Variants in HSF1 observed in about 807,000 individuals in gnomAD.
HSF1 encodes heat shock transcription factor 1.
In HSF1, 32 loss-of-function variants were observed where a neutral mutation model predicts 51.7. That is an observed-to-expected ratio of 0.62 (90% CI 0.47 to 0.83). HSF1 has a LOEUF of 0.83. Ranked by LOEUF, HSF1 falls within the 40% of genes least tolerant of loss-of-function variation. The pLI is 0.00. For missense variants in HSF1, 727 were observed against 717.0 expected, an observed-to-expected ratio of 1.01 and a Z score of -0.16; for synonymous variants, 396 against 309.7, an observed-to-expected ratio of 1.28 and a Z score of -2.92.
chr8:144,296,133 A>C (rs574246240), intron 1 of HSF1, among the ~76,000 whole-genome samples: 2 of 152,132 alleles, frequency 1.3e-5, no homozygotes, highest in African/African-American at 4.8e-5. Context: ...TGGGTGGACA[A>C]TTGGGAGCAG....
rs1249886698 is a variant in HSF1 at position 144,311,839 on chromosome 8, G to A, written c.860+3G>A. On this transcript the variant is annotated splice_donor_region_variant and intron_variant, in intron 8 of 12. Coordinates refer to ENST00000528838, the MANE Select transcript of HSF1 (RefSeq NM_005526.4). The stretch of plus-strand genomic sequence containing the variant: ...CCCGGCGGGAGCATAGACGAGAGGT[G>A]GGGGCCGCATCACCCCAGCCATCCT... 2.5e-6 allele frequency: 4 copies of A among 1,600,644 alleles called. No homozygotes were observed. Among genetic ancestry groups the A allele is most frequent in the African/African-American group, 1.3e-5 (1 of 74,710 alleles).
intron 9 of HSF1, chr8:144,312,605 G>T: frequency 6.5e-7 from 1 of 1,531,480 alleles, no homozygotes; most frequent in Non-Finnish European, 8.7e-7. Context: ...TGCAATGGGG[G>T]CTCTTGTTTT....
chr8:144,309,629 G>GC, intron 3 of HSF1, 38 bp downstream of exon 3: 1 of 1,609,612 alleles, frequency 6.2e-7, no homozygotes, highest in Non-Finnish European at 8.5e-7. Flanking sequence ...GGTCTCACCT[G>GC]CCACAGCTCT....
intron 1 of HSF1, among the ~76,000 whole-genome samples, chr8:144,304,374 A>G (rs1230266347): frequency 4.6e-5 from 7 of 152,240 alleles, no homozygotes; most frequent in Non-Finnish European, 7.3e-5. Context: ...AAGTACTTCC[A>G]TGAAGTTCCT....
At chr8:144,303,844 C>T (rs1816048571) in intron 1 of HSF1, among the ~76,000 whole-genome samples, 1 of 152,108 alleles carries the variant, frequency 6.6e-6, no homozygotes, top group Non-Finnish European at 1.5e-5. Flanking sequence ...CACCACTGCA[C>T]TCCAGCCTGG....
intron 1 of HSF1, among the ~76,000 whole-genome samples, chr8:144,302,258 C>T (rs1330961340): frequency 2.6e-5 from 4 of 151,840 alleles, no homozygotes; most frequent in Admixed American, 2.6e-4. Flanking sequence ...CCTGTAATCC[C>T]AGCACTTTGG....
chr8:144,311,572 G>T lies in HSF1; in HGVS notation c.694G>T (p.Glu232Ter). The T allele has an allele frequency of 6.2e-7, 1 of 1,613,674 alleles. No individual in the cohort carries two copies. Among genetic ancestry groups the T allele is most frequent in the Non-Finnish European group, 8.5e-7 (1 of 1,179,970 alleles). The change falls in exon 7 of 13, where the codon GAG becomes TAG. Residue 232 changes from glutamate to a stop codon, truncating the protein, a stop_gained. Transcript: ENST00000528838. LOFTEE classifies it high-confidence loss of function. Reference protein sequence around the residue: ...MPKYSRQFSLEHVHGSGPYSA... With the variant: ...MPKYSRQFSL Reference sequence around the variant, plus strand: ...CAAGTATAGCCGGCAGTTCTCCCTGGAGCACGTCCACGGCTCGGGCCCCTA... The same window carrying T: ...CAAGTATAGCCGGCAGTTCTCCCTGTAGCACGTCCACGGCTCGGGCCCCTA...
chr8:144,294,603 A>G (rs1056342228), intron 1 of HSF1, among the ~76,000 whole-genome samples: 18 of 152,376 alleles, frequency 1.2e-4, no homozygotes, highest in African/African-American at 3.8e-4. Context: ...CTGGCCAGGA[A>G]TGGGACCAGG....
At chr8:144,312,776 C>A in intron 9 of HSF1, 1 of 1,407,400 alleles carries the variant, frequency 7.1e-7, no homozygotes, top group Non-Finnish European at 9.7e-7. Flanking sequence ...CCCACACAGC[C>A]GTGGACCAGA....
chr8:144,299,561 C>G (rs1454143573), intron 1 of HSF1, among the ~76,000 whole-genome samples: 2 of 151,996 alleles, frequency 1.3e-5, no homozygotes, highest in African/African-American at 4.8e-5. Context: ...GATTAGCCAA[C>G]AAAGACAGTA....
intron 1 of HSF1, among the ~76,000 whole-genome samples, chr8:144,308,314 C>T (rs1284515865): frequency 6.6e-6 from 1 of 152,238 alleles, no homozygotes; most frequent in Non-Finnish European, 1.5e-5. Context: ...CTCCTGATAG[C>T]TCTGGGCCTG....
chr8:144,310,060 G>T lies in HSF1; in HGVS notation c.488+164G>T, dbSNP rs930078931. On this transcript the variant is annotated intron_variant, in intron 4 of 12. Transcript: ENST00000528838. ...CTCTGCCCCAGCCCCGCCGCCCGTG[G>T]CTGCTGCAACAGCTCTGGGGCCAGC... is the stretch of plus-strand genomic sequence containing the variant. The T allele has an allele frequency of 7.1e-5, 59 of 832,746 alleles. No individual in the cohort carries two copies. The African/African-American group carries it at 9.0e-4, about 13-fold the overall frequency. 51.6% of individuals were successfully genotyped at this position (832,746 alleles called of 1,614,324 possible). A position where few individuals can be genotyped will look rare whatever the true frequency, so the allele number is the denominator to read the frequency against.
chr8:144,309,218 TG>T, intron 2 of HSF1: 1 of 665,670 alleles, frequency 1.5e-6, no homozygotes, highest in Non-Finnish European at 2.5e-6. Flanking sequence ...GGGGTCCCCA[TG>T]GAAGAACCGT....
At chr8:144,311,653 G>A in intron 7 of HSF1, 47 bp from the exon 8 acceptor site, 10 of 1,611,480 alleles carry the variant, frequency 6.2e-6, no homozygotes, top group Non-Finnish European at 8.5e-6. Flanking sequence ...GCAGTGGGGT[G>A]GGTTGCCCCT....
At chr8:144,292,289 G>A (rs1554840522) in intron 1 of HSF1, among the ~76,000 whole-genome samples, 1 of 152,248 alleles carries the variant, frequency 6.6e-6, no homozygotes, top group Non-Finnish European at 1.5e-5. Context: ...CAACTATTAG[G>A]AGAAAGTCAG....
chr8:144,314,084 GCCCCCAACCCCCCACC>G, intron 12 of HSF1, 25 bp from the exon 13 acceptor site: 3 of 1,329,854 alleles, frequency 2.3e-6, no homozygotes, highest in Non-Finnish European at 3.0e-6. Context: ...CCCCACCTCT[GCCCCCAACCCCCCACC>G]GCCTTGACAC....
rs1450495894 is a variant in HSF1 at position 144,303,155 on chromosome 8, G to A, written c.118-5751G>A. Among the ~76,000 whole-genome samples, 6 of 151,966 alleles carry A rather than the reference G, an allele frequency of 3.9e-5. No individual in the cohort carries two copies. The East Asian group carries it at 5.8e-4, about 15-fold the overall frequency. Reference sequence around the variant, plus strand: ...TCCACTGGGGGTCCTTTATGATTTCGTCTCTTCTATCATTTTTTTGGTATA... The same window carrying A: ...TCCACTGGGGGTCCTTTATGATTTCATCTCTTCTATCATTTTTTTGGTATA... On this transcript the variant is annotated intron_variant, in intron 1 of 12. Transcript: ENST00000528838.
chr8:144,314,253 G>T lies in HSF1; in HGVS notation c.1513G>T (p.Gly505Cys). ...GGGCTCCTACTTCTCCGAAGGGGACGGCTTCGCCGAGGACCCCACCATCTC... is the reference window on the plus strand; with the variant it reads ...GGGCTCCTACTTCTCCGAAGGGGACTGCTTCGCCGAGGACCCCACCATCTC... ...GEGSYFSEGD[G>C]FAEDPTISLL... Residue 505 changes from glycine (G) to cysteine (C), a missense_variant, in exon 13 of 13, where the codon GGC becomes TGC. This residue lies in a region of HSF1 where 470 missense variants were observed against 398.8 expected (regional missense o/e 1.18). Coordinates refer to ENST00000528838, the MANE Select transcript of HSF1 (RefSeq NM_005526.4). 1 of 1,550,590 alleles carries T rather than the reference G, an allele frequency of 6.4e-7. No homozygotes were observed. The highest frequency in any genetic ancestry group is 8.7e-7 in the Non-Finnish European group (1 of 1,147,074).
rs782451689 is a variant in HSF1 at position 144,312,096 on chromosome 8, G to A, written c.994G>A (p.Asp332Asn). The change falls in exon 9 of 13, where the codon GAC (aspartate) becomes AAC (asparagine). Residue 332 changes from aspartate to asparagine, a missense_variant. This residue lies in a region of HSF1 where 470 missense variants were observed against 398.8 expected (regional missense o/e 1.18). Transcript: ENST00000528838. ...CCTCTTGTCCCCGACCGCCCTCATT[G>A]ACTCCATCCTGCGGGAGAGTGAACC... The part of the protein sequence containing the change: ...DTLLSPTALI[D>N]SILRESEPAP... The A allele has an allele frequency of 2.7e-5, 43 of 1,612,308 alleles. No individual in the cohort carries two copies. The Admixed American group carries it at 6.8e-4, about 26-fold the overall frequency.
Sources: gnomAD v4.1 joint callset for allele counts (sites outside exome capture counted in the v4.1 genomes callset) on GRCh38, gnomAD v4.1.1 for gene constraint, gnomAD v4.1.1 regional missense constraint, MANE v1.5 for transcripts, NCBI Gene and HGNC (gene_info 2026-07-23, HGNC 2026-07-21) for gene names.